The following CAMK1D variants were observed in gnomAD, a reference collection of about 807,000 sequenced individuals.
CAMK1D encodes calcium/calmodulin dependent protein kinase ID, also known as calcium/calmodulin-dependent protein kinase type 1D.
In CAMK1D, 9 loss-of-function variants were observed where a neutral mutation model predicts 47.7. The ratio of observed to expected loss-of-function variants is 0.19; its 90% CI spans 0.11 to 0.33. The LOEUF (loss-of-function observed/expected upper bound fraction) is 0.33, where lower values mean the gene tolerates loss of function less well. Among genes scored for constraint, CAMK1D ranks in the 10% least tolerant of loss-of-function variants. The pLI is 1.00. For synonymous variants in CAMK1D, 184 were observed against 184.9 expected (o/e 0.99, Z 0.04); for missense variants, 291 against 488.7 (o/e 0.60, Z 3.81).
At chr10:12,662,125 T>C (rs1840290422) in intron 2 of CAMK1D, among the ~76,000 whole-genome samples, 2 of 152,204 alleles carry the variant, frequency 1.3e-5, no homozygotes, top group African/African-American at 4.8e-5. Flanking sequence ...AGCTCTGACA[T>C]GTAACCTTCC....
In CAMK1D at chr10:12,706,790, C is replaced by T. The variant is rs114993452; in HGVS notation, c.299+39980C>T. On this transcript the variant is annotated intron_variant, in intron 3 of 10. Transcript: ENST00000619168. ...AAAAGATCTCTGTTTTCCATTCATTCCCTCAGTTATTCTTTGAAACAAGCA... is the reference window on the plus strand; with the variant it reads ...AAAAGATCTCTGTTTTCCATTCATTTCCTCAGTTATTCTTTGAAACAAGCA... Among the ~76,000 whole-genome samples, 438 of 152,014 alleles carry T rather than the reference C, an allele frequency of 2.9e-3. 2 individuals carry two copies. The highest frequency in any genetic ancestry group is 0.01 in the African/African-American group (419 of 41,478).
intron 3 of CAMK1D, among the ~76,000 whole-genome samples, chr10:12,732,742 T>G (rs1323013470): frequency 7.7e-6 from 1 of 129,674 alleles, no homozygotes; most frequent in Non-Finnish European, 1.5e-5. Context: ...GAGATTTGGG[T>G]GGGGACACAG....
chr10:12,447,129 C>G (rs1377221676), intron 1 of CAMK1D, among the ~76,000 whole-genome samples: 1 of 152,118 alleles, frequency 6.6e-6, no homozygotes, highest in Admixed American at 6.6e-5. Flanking sequence ...TGAGTATATT[C>G]TTCTGCAGAA....
At chr10:12,524,417 C>T (rs1835549506) in intron 1 of CAMK1D, among the ~76,000 whole-genome samples, 1 of 152,054 alleles carries the variant, frequency 6.6e-6, no homozygotes, top group Admixed American at 6.6e-5. Flanking sequence ...TACATAAAAA[C>T]ATCATTTTGA....
At chr10:12,740,985 G>T (rs1482225048) in intron 3 of CAMK1D, among the ~76,000 whole-genome samples, 1 of 152,158 alleles carries the variant, frequency 6.6e-6, no homozygotes, top group African/African-American at 2.4e-5. Flanking sequence ...ATAATTGGTG[G>T]TTCCTGGACT....
chr10:12,621,407 A>G (rs528517941), intron 2 of CAMK1D, among the ~76,000 whole-genome samples: 1 of 152,304 alleles, frequency 6.6e-6, no homozygotes, highest in South Asian at 2.1e-4. Flanking sequence ...TGAATATAGT[A>G]TGTCTCTCCA....
At chr10:12,563,696 AGAGG>A (rs747428201) in intron 2 of CAMK1D, among the ~76,000 whole-genome samples, 1,345 of 63,960 alleles carry the variant, frequency 0.021, 10 homozygotes, top group African/African-American at 0.039. Context: ...AGAGAGAGAG[AGAGG>A]GAGAGAGAGG....
intron 4 of CAMK1D, among the ~76,000 whole-genome samples, chr10:12,768,250 T>A (rs1307300414): frequency 2.0e-5 from 3 of 152,226 alleles, no homozygotes; most frequent in Admixed American, 2.0e-4. Context: ...GTGGCTTTTT[T>A]ATCTTTGTAG....
intron 2 of CAMK1D, among the ~76,000 whole-genome samples, chr10:12,635,362 A>G (rs1008108818): frequency 3.3e-5 from 5 of 152,222 alleles, no homozygotes; most frequent in African/African-American, 1.2e-4. Context: ...TAGTAAACGT[A>G]GTCAATGAAG....
At chr10:12,401,428 G>T (rs1291260233) in intron 1 of CAMK1D, among the ~76,000 whole-genome samples, 1 of 145,998 alleles carries the variant, frequency 6.8e-6, no homozygotes, top group Non-Finnish European at 1.5e-5. Flanking sequence ...TCCCATGTAT[G>T]TTGTCTCTCC....
At chr10:12,797,392 T>TA (rs1223496237) in intron 6 of CAMK1D, among the ~76,000 whole-genome samples, 2 of 145,184 alleles carry the variant, frequency 1.4e-5, no homozygotes, top group Non-Finnish European at 3.1e-5. Context: ...CACAACAAAC[T>TA]TTTTTTTTTT....
chr10:12,392,744 C>T (rs932762153), intron 1 of CAMK1D, among the ~76,000 whole-genome samples: 6 of 152,058 alleles, frequency 3.9e-5, no homozygotes, highest in South Asian at 2.1e-4. Context: ...ATAGATCTCT[C>T]GAACTTTTTC....
At chr10:12,790,328 A>C (rs1837923533) in intron 5 of CAMK1D, among the ~76,000 whole-genome samples, 1 of 152,252 alleles carries the variant, frequency 6.6e-6, no homozygotes, top group South Asian at 2.1e-4. Context: ...GGTAGGCCTT[A>C]GCTCTGAGCT....
intron 2 of CAMK1D, among the ~76,000 whole-genome samples, chr10:12,640,399 T>C (rs931128080): frequency 1.3e-5 from 2 of 152,152 alleles, no homozygotes; most frequent in Non-Finnish European, 2.9e-5. Flanking sequence ...AGAATAGGAA[T>C]TGTAATATCT....
chr10:12,734,545 T>TATACACAC (rs1462750948), intron 3 of CAMK1D, among the ~76,000 whole-genome samples: 8 of 147,804 alleles, frequency 5.4e-5, no homozygotes, highest in Non-Finnish European at 8.9e-5. Context: ...CACATATGTA[T>TATACACAC]ATATGTATAT....
At chr10:12,616,854 G>A (rs1432247278) in intron 2 of CAMK1D, among the ~76,000 whole-genome samples, 2 of 152,162 alleles carry the variant, frequency 1.3e-5, no homozygotes, top group African/African-American at 4.8e-5. Flanking sequence ...AGTAGAGGAG[G>A]CAGGGCGGGA....
chr10:12,580,338 C>CTTTTTT (rs5783277), intron 2 of CAMK1D, among the ~76,000 whole-genome samples: 1 of 120,694 alleles, frequency 8.3e-6, no homozygotes. Flanking sequence ...CCCTTCCTTC[C>CTTTTTT]TTTTTTTTTT....
At chr10:12,666,533 G>A (rs1840436220) in intron 2 of CAMK1D, among the ~76,000 whole-genome samples, 1 of 152,174 alleles carries the variant, frequency 6.6e-6, no homozygotes, top group African/African-American at 2.4e-5. Flanking sequence ...TTGAGCCTTA[G>A]GAACGAAGAG....
At chr10:12,790,297 C>T (rs369363686) in intron 5 of CAMK1D, among the ~76,000 whole-genome samples, 1 of 152,238 alleles carries the variant, frequency 6.6e-6, no homozygotes, top group South Asian at 2.1e-4. Flanking sequence ...TAGGGGCAGG[C>T]CTGAAGCAGG....
Sources: gnomAD v4.1 joint callset for allele counts (sites outside exome capture counted in the v4.1 genomes callset) on GRCh38, gnomAD v4.1.1 for gene constraint, MANE v1.5 for transcripts, NCBI Gene and HGNC (gene_info 2026-07-23, HGNC 2026-07-21) for gene names.